The following NDUFA5 variants were observed in gnomAD, a reference collection of about 807,000 sequenced individuals.
The protein encoded by NDUFA5 is NADH:ubiquinone oxidoreductase subunit A5.
In NDUFA5, 11 loss-of-function variants were observed where a neutral mutation model predicts 19.8. The observed-to-expected ratio is 0.56, with a 90% CI of 0.35 to 0.92. The LOEUF (loss-of-function observed/expected upper bound fraction) is 0.92, where lower values mean the gene tolerates loss of function less well. NDUFA5 is among the 40% of genes least tolerant of loss of function. The probability of loss-of-function intolerance (pLI) is 0.01; values close to 1 mark genes in which losing one functional copy is unlikely to be tolerated. For missense variants in NDUFA5, 109 were observed against 134.2 expected, an observed-to-expected ratio of 0.81 and a Z score of 0.93; for synonymous variants, 47 against 46.8, an observed-to-expected ratio of 1.00 and a Z score of -0.01.
chr7:123,601,083 G>C, the NDUFA5 span, among the ~76,000 whole-genome samples: 1 of 152,196 alleles, frequency 6.6e-6, no homozygotes, highest in Non-Finnish European at 1.5e-5. Flanking sequence ...ATAGAGGCCA[G>C]ATGGCTTTGT....
At chr7:123,585,950 TATTAC>T in the NDUFA5 span, among the ~76,000 whole-genome samples, 1 of 151,814 alleles carries the variant, frequency 6.6e-6, no homozygotes, top group Non-Finnish European at 1.5e-5. Context: ...GATAAATATA[TATTAC>T]ATTTTCTTTA....
chr7:123,599,143 G>A, the NDUFA5 span, among the ~76,000 whole-genome samples: 1 of 152,108 alleles, frequency 6.6e-6, no homozygotes, highest in African/African-American at 2.4e-5. Flanking sequence ...AGGAGAAAAA[G>A]GAGAAAGCCT....
At chr7:123,594,603 C>G in the NDUFA5 span, among the ~76,000 whole-genome samples, 1 of 152,258 alleles carries the variant, frequency 6.6e-6, no homozygotes, top group East Asian at 1.9e-4. Flanking sequence ...CTAGGTATCA[C>G]CAGCAGAAGC....
chr7:123,559,210 A>G (rs1219203789), upstream of NDUFA5, among the ~76,000 whole-genome samples: 1 of 152,006 alleles, frequency 6.6e-6, no homozygotes, highest in Non-Finnish European at 1.5e-5. Flanking sequence ...AAGTAGATAA[A>G]ATGGCCAGAT....
chr7:123,596,305 G>A, the NDUFA5 span: 44,999 of 151,950 alleles, frequency 0.3, 6,807 homozygotes, highest in East Asian at 0.4. Flanking sequence ...ATGGTAGAAA[G>A]GATGGATTTA....
the NDUFA5 span, among the ~76,000 whole-genome samples, chr7:123,576,163 T>C: frequency 6.6e-6 from 1 of 151,716 alleles, no homozygotes; most frequent in Non-Finnish European, 1.5e-5. Flanking sequence ...TTTCATCTTC[T>C]ATATTTTTTA....
intron 3 of NDUFA5, chr7:123,546,939 G>A: frequency 2.6e-6 from 1 of 378,264 alleles, no homozygotes. Context: ...AGATTTTCCT[G>A]AATTATCCAT....
chr7:123,569,659 G>C, the NDUFA5 span, among the ~76,000 whole-genome samples: 1 of 152,126 alleles, frequency 6.6e-6, no homozygotes, highest in Non-Finnish European at 1.5e-5. Context: ...ATAAAATCCA[G>C]CTGAACAAGA....
At chr7:123,577,040 T>A in the NDUFA5 span, among the ~76,000 whole-genome samples, 2 of 152,196 alleles carry the variant, frequency 1.3e-5, no homozygotes, top group African/African-American at 4.8e-5. Flanking sequence ...AATTATTCTC[T>A]TATTGATATC....
chr7:123,567,978 T>G, the NDUFA5 span, among the ~76,000 whole-genome samples: 1 of 152,212 alleles, frequency 6.6e-6, no homozygotes, highest in African/African-American at 2.4e-5. Context: ...ATCTATAGTA[T>G]GAACACTTCT....
At chr7:123,591,635 C>A in the NDUFA5 span, among the ~76,000 whole-genome samples, 2 of 152,112 alleles carry the variant, frequency 1.3e-5, no homozygotes, top group Non-Finnish European at 2.9e-5. Flanking sequence ...AGACTTGCAT[C>A]CCAGGGATGA....
the NDUFA5 span, among the ~76,000 whole-genome samples, chr7:123,580,242 G>A: frequency 3.3e-5 from 5 of 152,036 alleles, no homozygotes; most frequent in Non-Finnish European, 7.4e-5. Flanking sequence ...GAGCAAACAG[G>A]AGTTATGCTA....
At position 123,542,142 on chromosome 7, in the gene NDUFA5, C is replaced by T. The variant is rs778778581; in HGVS notation, c.328G>A (p.Asp110Asn). 21 of 1,610,720 alleles carry T rather than the reference C, an allele frequency of 1.3e-5. No homozygotes were observed. The highest frequency in any genetic ancestry group is 5.5e-5 in the South Asian group (5 of 90,784). ...AATTATATTGGCCATTTCCACTGATCGGCAGGAGGCTCTTCCACTAATGGC... is the reference window on the plus strand; with the variant it reads ...AATTATATTGGCCATTTCCACTGATTGGCAGGAGGCTCTTCCACTAATGGC... ...WEPLVEEPPADQWKWPI is the reference protein window; with the variant it reads ...WEPLVEEPPANQWKWPI The change falls in exon 5 of 5, where the codon GAT becomes AAT. Residue 110 changes from aspartate (D) to asparagine (N), a missense_variant. Asp to Asn is a conservative substitution (Grantham distance 23). Transcript: ENST00000355749.
the NDUFA5 span, among the ~76,000 whole-genome samples, chr7:123,575,816 C>CTT: frequency 0.23 from 31,102 of 136,662 alleles, 3,774 homozygotes; most frequent in East Asian, 0.28. Flanking sequence ...ATGAAGTTTT[C>CTT]TTTTTTTTTT....
chr7:123,598,168 A>T, the NDUFA5 span, among the ~76,000 whole-genome samples: 1 of 152,100 alleles, frequency 6.6e-6, no homozygotes, highest in Non-Finnish European at 1.5e-5. Context: ...GGTTTCCCTC[A>T]TGTCCATTTT....
At chr7:123,562,104 A>G (rs1033990628), upstream of NDUFA5, among the ~76,000 whole-genome samples, 7 of 152,126 alleles carry the variant, frequency 4.6e-5, no homozygotes, top group African/African-American at 1.7e-4. Flanking sequence ...TTGTGCGTGA[A>G]AACAATGTTA....
At chr7:123,556,744 G>A (rs1355733331) in intron 2 of NDUFA5, 5 of 431,794 alleles carry the variant, frequency 1.2e-5, no homozygotes, top group Non-Finnish European at 2.2e-5. Flanking sequence ...AAAAAACGCT[G>A]CTATTAGGTC....
the NDUFA5 span, among the ~76,000 whole-genome samples, chr7:123,599,466 C>G: frequency 6.6e-6 from 1 of 152,124 alleles, no homozygotes; most frequent in African/African-American, 2.4e-5. Context: ...ATAGCAAGAG[C>G]TGTTTTTTAA....
chr7:123,542,164 TG>T lies in NDUFA5; in HGVS notation c.305del (p.Pro102HisfsTer2). ...RKMREWKLWE[P>X]LVEEPPADQW... is the part of the protein sequence containing the mutation. Reference sequence around the variant, plus strand: ...GATCGGCAGGAGGCTCTTCCACTAATGGCTCCCATAGTTTCCATTCCCTCAT... The same window carrying T: ...GATCGGCAGGAGGCTCTTCCACTAATGCTCCCATAGTTTCCATTCCCTCAT... On this transcript the variant is annotated frameshift_variant, in exon 5 of 5. Transcript: ENST00000355749. LOFTEE classifies it high-confidence loss of function. The T allele has an allele frequency of 6.2e-7, 1 of 1,612,252 alleles. No homozygotes were observed. Among genetic ancestry groups the T allele is most frequent in the Admixed American group, 1.7e-5 (1 of 59,760 alleles).
Sources: allele counts gnomAD v4.1 joint callset (sites outside exome capture counted in the v4.1 genomes callset), GRCh38; gene constraint gnomAD v4.1.1; transcripts MANE v1.5; gene names NCBI Gene and HGNC (gene_info 2026-07-23, HGNC 2026-07-21).